Variants in PCDHGB4 observed in about 807,000 individuals in gnomAD.
PCDHGB4 encodes protocadherin gamma-B4.
In PCDHGB4, 38 loss-of-function variants were observed where a neutral mutation model predicts 60.5. The ratio of observed to expected loss-of-function variants is 0.63; its 90% confidence interval spans 0.48 to 0.82. The LOEUF (loss-of-function observed/expected upper bound fraction) is 0.82, where lower values mean the gene tolerates loss of function less well. PCDHGB4 is among the 40% of genes least tolerant of loss of function. PCDHGB4 has a pLI of 0.00. For missense variants in PCDHGB4, 1,109 were observed against 1,209.6 expected (o/e 0.92, Z 1.23); for synonymous variants, 456 against 509.7 (o/e 0.89, Z 1.42).
rs1366349422 is a variant in PCDHGB4 at position 141,387,728 on chromosome 5, C to A, written c.-157C>A. ...AGCCCCAGCTCAGACTCCCCAGCGC[C>A]AGCCTTTACACCGCTTCCTCCTCGG... On this transcript the variant is annotated 5_prime_UTR_variant, in exon 1 of 4. Transcript: ENST00000519479. 3 of 1,221,130 alleles carry A rather than the reference C, an allele frequency of 2.5e-6. No homozygotes were observed. Among genetic ancestry groups the A allele is most frequent in the Non-Finnish European group, 2.2e-6 (2 of 891,596 alleles). The allele number at this position is 1,221,130 out of a possible 1,614,324, so 75.6% of individuals were successfully genotyped here. A position where few individuals can be genotyped will look rare whatever the true frequency, so the allele number is the denominator to read the frequency against.
chr5:141,399,658 T>G (rs766038311), intron 1 of PCDHGB4: 22 of 1,613,572 alleles, frequency 1.4e-5, no homozygotes, highest in South Asian at 4.4e-5. Flanking sequence ...TGGGGTGGTG[T>G]TCGCGCAGCG....
chr5:141,419,454 T>A (rs1191326733), intron 1 of PCDHGB4: 1 of 1,612,786 alleles, frequency 6.2e-7, no homozygotes, highest in Non-Finnish European at 8.5e-7. Flanking sequence ...GAGCTCACGC[T>A]GCAGGCCCGC....
intron 1 of PCDHGB4, among the ~76,000 whole-genome samples, chr5:141,472,508 C>T (rs140607073): frequency 0.01 from 1,548 of 151,922 alleles, 35 homozygotes; most frequent in African/African-American, 0.035. Flanking sequence ...CCACTGCACT[C>T]CAGCCTGGGT....
At chr5:141,414,446 T>C in intron 1 of PCDHGB4, 1 of 1,613,864 alleles carries the variant, frequency 6.2e-7, no homozygotes, top group Non-Finnish European at 8.5e-7. Flanking sequence ...TCTTACAATA[T>C]CACAGTGACA....
At chr5:141,467,117 A>G (rs62379198) in intron 1 of PCDHGB4, among the ~76,000 whole-genome samples, 35,587 of 150,646 alleles carry the variant, frequency 0.24, 4,364 homozygotes, top group Admixed American at 0.32. Flanking sequence ...CAATGGTGCA[A>G]TCTCAGCTCA....
At chr5:141,394,785 G>C in intron 1 of PCDHGB4, 2 of 1,613,722 alleles carry the variant, frequency 1.2e-6, no homozygotes, top group South Asian at 2.2e-5. Flanking sequence ...CTCCGCCACT[G>C]TCACGCTCAC....
intron 1 of PCDHGB4, chr5:141,411,226 C>G (rs781690096): frequency 6.6e-6 from 1 of 151,996 alleles, no homozygotes; most frequent in South Asian, 2.1e-4. Flanking sequence ...TTCAAATTTG[C>G]GAAGACTTAG....
At chr5:141,471,892 T>C (rs1429425311) in intron 1 of PCDHGB4, among the ~76,000 whole-genome samples, 1 of 152,166 alleles carries the variant, frequency 6.6e-6, no homozygotes, top group Admixed American at 6.6e-5. Context: ...GCTAGGAAGA[T>C]TGACTACAGA....
At chr5:141,464,729 G>T (rs1412585185) in intron 1 of PCDHGB4, among the ~76,000 whole-genome samples, 1 of 151,948 alleles carries the variant, frequency 6.6e-6, no homozygotes, top group Non-Finnish European at 1.5e-5. Context: ...ATGTTTAAAA[G>T]CCAGTTTATA....
intron 1 of PCDHGB4, chr5:141,430,857 A>T: frequency 6.3e-7 from 1 of 1,591,434 alleles, no homozygotes; most frequent in Non-Finnish European, 8.5e-7. Flanking sequence ...CAGATACGCT[A>T]TTCAGTTCCG....
rs1288071067 is a variant in PCDHGB4 at position 141,404,171 on chromosome 5, GC to G, written c.2397+13893del. ...AGAAGATTATTACAGATTGTTGACG[GC>G]CCAAATTCTTGACCGAGAAAAAGCC... On this transcript the variant is annotated intron_variant, in intron 1 of 3. Coordinates refer to ENST00000519479, the MANE Select transcript of PCDHGB4 (RefSeq NM_003736.4). 5.6e-6 allele frequency: 9 copies of G among 1,612,616 alleles called. No homozygotes were observed. The African/African-American group carries it at 9.4e-5, about 17-fold the overall frequency.
rs375260597 is a variant in PCDHGB4 at position 141,388,655 on chromosome 5, G to A, written c.771G>A (p.Pro257=). 1 of 1,613,808 alleles carries A rather than the reference G, an allele frequency of 6.2e-7. No homozygotes were observed. Among genetic ancestry groups the A allele is most frequent in the Non-Finnish European group, 8.5e-7 (1 of 1,179,796 alleles). ...TGAGCCTTTCAGAAAACGTGTACCCGGGGACCACGGTGCTACAGGTGACTG... is the reference window on the plus strand; with the variant it reads ...TGAGCCTTTCAGAAAACGTGTACCCAGGGACCACGGTGCTACAGGTGACTG... ...YRVSLSENVY[P]GTTVLQVTAT... Residue 257 remains proline, a synonymous_variant, in exon 1 of 4, where the codon CCG becomes CCA. Coordinates refer to ENST00000519479, the MANE Select transcript of PCDHGB4 (RefSeq NM_003736.4).
Position 141,427,474 on chromosome 5 carries a change from A to T in PCDHGB4, c.2397+37193A>T, listed in dbSNP as rs373512099. On this transcript the variant is annotated intron_variant, in intron 1 of 3. Transcript: ENST00000519479. The stretch of plus-strand genomic sequence containing the variant: ...CCTTTTAGAATCGAATCTTCCGCCA[A>T]TAATGACTATAAGCTTGTAACAGAT... 10 of 520,294 alleles carry T rather than the reference A, an allele frequency of 1.9e-5. No individual in the cohort carries two copies. In the East Asian group the frequency reaches 2.1e-4, roughly 11 times the overall value. The allele number at this position is 520,294 out of a possible 1,614,324, so 32.2% of individuals were successfully genotyped here. A position where few individuals can be genotyped will look rare whatever the true frequency, so the allele number is the denominator to read the frequency against.
In PCDHGB4 at chr5:141,491,410, G is replaced by T. The variant is rs777207581; in HGVS notation, c.2398-3397G>T. On this transcript the variant is annotated intron_variant, in intron 1 of 3. Transcript: ENST00000519479. The surrounding 1 kb of genome is among the most constrained non-coding windows in gnomAD (Gnocchi z 6.9). ...GTGCCTTCAGGGAAACGCAGACGGG[G>T]ACGGGGGTGGAGGGCAGTGCTGCAG... 28 of 1,614,142 alleles carry T rather than the reference G, an allele frequency of 1.7e-5. No individual in the cohort carries two copies. The highest frequency in any genetic ancestry group is 2.4e-5 in the Non-Finnish European group (28 of 1,180,034).
At chr5:141,419,686 G>A (rs551990092) in intron 1 of PCDHGB4, 2 of 1,612,760 alleles carry the variant, frequency 1.2e-6, no homozygotes, top group Non-Finnish European at 1.7e-6. Flanking sequence ...ACCACGTGGT[G>A]CAGGCCAGTG....
chr5:141,502,750 A>G (rs974131144), intron 2 of PCDHGB4, among the ~76,000 whole-genome samples: 3 of 151,928 alleles, frequency 2.0e-5, no homozygotes, highest in Non-Finnish European at 4.4e-5. Context: ...TTCCTTCTAC[A>G]TGTATTTGCT....
rs539348000 is a variant in PCDHGB4 at position 141,504,908 on chromosome 5, G to A, written c.2457-485G>A. 5.9e-5 allele frequency among the ~76,000 whole-genome samples: 9 copies of A among 152,208 alleles called. No homozygotes were observed. In the East Asian group the frequency reaches 1.7e-3, roughly 29 times the overall value. On this transcript the variant is annotated intron_variant, in intron 2 of 3. Coordinates refer to ENST00000519479, the MANE Select transcript of PCDHGB4 (RefSeq NM_003736.4). Reference sequence around the variant, plus strand: ...AGGTCTGATCTCCCTCACTATGACAGGAAGCCAGGCTCTCTCATGGTGGGT... The same window carrying A: ...AGGTCTGATCTCCCTCACTATGACAAGAAGCCAGGCTCTCTCATGGTGGGT...
At position 141,409,955 on chromosome 5, in the gene PCDHGB4, G is replaced by A. The variant is rs946959934; in HGVS notation, c.2397+19674G>A. On this transcript the variant is annotated intron_variant, in intron 1 of 3. Coordinates refer to ENST00000519479, the MANE Select transcript of PCDHGB4 (RefSeq NM_003736.4). ...TATGGTACCTCGCTCTGCAGAGCCC[G>A]GCTACCTAGTGACTAAGGTGGTAGC... is the stretch of plus-strand genomic sequence containing the variant. The A allele has an allele frequency of 2.8e-5, 45 of 1,613,234 alleles. No individual in the cohort carries two copies. The highest frequency in any genetic ancestry group is 3.6e-5 in the Non-Finnish European group (42 of 1,179,814).
chr5:141,420,099 C>T (rs750814136), intron 1 of PCDHGB4: 4 of 1,613,996 alleles, frequency 2.5e-6, no homozygotes, highest in South Asian at 2.2e-5. Flanking sequence ...AGTGAGGGAA[C>T]GTTGCCCTAT....
Sources: allele counts gnomAD v4.1 joint callset (sites outside exome capture counted in the v4.1 genomes callset), GRCh38; gene constraint gnomAD v4.1.1; non-coding constraint Gnocchi (gnomAD v3.1); transcripts MANE v1.5; gene names NCBI Gene and HGNC (gene_info 2026-07-23, HGNC 2026-07-21).